The following LNPK variants were observed in gnomAD, a reference collection of about 807,000 sequenced individuals.
LNPK encodes endoplasmic reticulum junction formation protein lunapark.
A neutral mutation model predicts 55.2 loss-of-function variants in LNPK; 29 were observed. That is an observed-to-expected ratio of 0.53 (90% CI 0.39 to 0.72). The LOEUF (loss-of-function observed/expected upper bound fraction) is 0.72, where lower values mean the gene tolerates loss of function less well. LNPK is among the 30% of genes least tolerant of loss of function. The probability of loss-of-function intolerance (pLI) is 0.00; values close to 1 mark genes in which losing one functional copy is unlikely to be tolerated. For synonymous variants in LNPK, 162 were observed against 168.2 expected, an observed-to-expected ratio of 0.96 and a Z score of 0.29; for missense variants, 467 against 494.8, an observed-to-expected ratio of 0.94 and a Z score of 0.53.
intron 8 of LNPK, among the ~76,000 whole-genome samples, chr2:175,951,297 T>G (rs1311215962): frequency 1.3e-5 from 2 of 151,886 alleles, no homozygotes; most frequent in Non-Finnish European, 2.9e-5. Context: ...AGTGGTGATT[T>G]TAAGATCTTG....
At position 175,964,441 on chromosome 2, in the gene LNPK, G is replaced by T. The variant is rs1038851957; in HGVS notation, c.442-18C>A. The T allele has an allele frequency of 1.2e-6, 2 of 1,607,392 alleles. No homozygotes were observed. The highest frequency in any genetic ancestry group is 1.7e-6 in the Non-Finnish European group (2 of 1,173,906). On this transcript the variant is annotated intron_variant, in intron 7 of 12. Coordinates refer to ENST00000272748, the MANE Select transcript of LNPK (RefSeq NM_030650.3). ...TCACACTCCTGTCAATTATAATAAT[G>T]TTATTACAGTGACCTATTACAATGT...
chr2:175,972,149 C>T (rs1486774274), intron 5 of LNPK, among the ~76,000 whole-genome samples: 1 of 152,088 alleles, frequency 6.6e-6, no homozygotes, highest in African/African-American at 2.4e-5. Context: ...CTCCTGACCT[C>T]AGGTTATCCA....
At chr2:175,982,902 T>C (rs1687241220) in intron 4 of LNPK, among the ~76,000 whole-genome samples, 3 of 152,096 alleles carry the variant, frequency 2.0e-5, no homozygotes, top group Admixed American at 1.3e-4. Context: ...ACTTCCCCCT[T>C]CTCTTCATAA....
chr2:175,985,523 T>C (rs1687364530), intron 4 of LNPK, among the ~76,000 whole-genome samples: 2 of 152,344 alleles, frequency 1.3e-5, no homozygotes, highest in Admixed American at 1.3e-4. Context: ...TTGGGTCAGT[T>C]ATTTATAGGT....
At chr2:175,979,777 A>C in intron 5 of LNPK, 33 bp downstream of exon 5, 1 of 1,453,278 alleles carries the variant, frequency 6.9e-7, no homozygotes, top group South Asian at 1.3e-5. Flanking sequence ...GGTATTTTAA[A>C]AAATATTTAT....
intron 8 of LNPK, among the ~76,000 whole-genome samples, chr2:175,948,456 A>G (rs932753958): frequency 2.0e-5 from 3 of 152,156 alleles, no homozygotes; most frequent in Non-Finnish European, 4.4e-5. Context: ...TGCAACAGAG[A>G]CCATATGGCT....
chr2:175,938,099 G>T (rs1684640730), intron 11 of LNPK, among the ~76,000 whole-genome samples: 1 of 151,984 alleles, frequency 6.6e-6, no homozygotes, highest in African/African-American at 2.4e-5. Context: ...TGCACAGTGG[G>T]GTTTGAGAAC....
At chr2:176,001,289 A>G (rs1031909008) in intron 1 of LNPK, among the ~76,000 whole-genome samples, 6 of 152,150 alleles carry the variant, frequency 3.9e-5, no homozygotes, top group African/African-American at 1.4e-4. Flanking sequence ...AATTTTGTCA[A>G]TGCTGACACC....
At chr2:175,979,977 C>T (rs1283452575) in intron 4 of LNPK, 109 bp from the exon 5 acceptor site, 2 of 1,008,966 alleles carry the variant, frequency 2.0e-6, no homozygotes, top group East Asian at 2.7e-5. Flanking sequence ...TACATTGTTT[C>T]CCTTTATATA....
rs765775558 is a variant in LNPK at position 175,947,580 on chromosome 2, A to G, written c.606T>C (p.Ser202=). The change falls in exon 9 of 13, where the codon TCT becomes TCC. Residue 202 remains serine (S), a synonymous_variant. Transcript: ENST00000272748. ...PVSPGPPKDS[S]APGGPPERTV... Reference sequence around the variant, plus strand: ...TCCTTTCTGGGGGTCCACCAGGGGCAGAACTGTCCTTTGGTGGTCCAGGAG... The same window carrying G: ...TCCTTTCTGGGGGTCCACCAGGGGCGGAACTGTCCTTTGGTGGTCCAGGAG... The G allele has an allele frequency of 6.2e-7, 1 of 1,614,090 alleles. No homozygotes were observed. The highest frequency in any genetic ancestry group is 2.2e-5 in the East Asian group (1 of 44,884).
At chr2:175,985,861 A>G (rs566124710) in intron 4 of LNPK, among the ~76,000 whole-genome samples, 17 of 152,350 alleles carry the variant, frequency 1.1e-4, no homozygotes, top group Non-Finnish European at 2.1e-4. Flanking sequence ...AATTGACCAC[A>G]GTTAACTGAA....
At chr2:175,975,175 T>C (rs58730589) in intron 5 of LNPK, among the ~76,000 whole-genome samples, 11,940 of 152,174 alleles carry the variant, frequency 0.078, 498 homozygotes, top group South Asian at 0.098. Context: ...TAACATTTTT[T>C]AAAACTACAG....
intron 8 of LNPK, among the ~76,000 whole-genome samples, chr2:175,955,445 G>A (rs1157735062): frequency 6.6e-6 from 1 of 152,190 alleles, no homozygotes; most frequent in East Asian, 1.9e-4. Flanking sequence ...CAGATAAGCT[G>A]TCTCCACCAA....
At chr2:175,959,324 C>A (rs980897564) in intron 8 of LNPK, among the ~76,000 whole-genome samples, 1 of 152,132 alleles carries the variant, frequency 6.6e-6, no homozygotes, top group Non-Finnish European at 1.5e-5. Flanking sequence ...AGAGAAAAGT[C>A]GAGTTACCCA....
At chr2:175,947,372 G>C (rs933397046) in intron 9 of LNPK, 108 bp downstream of exon 9, 3 of 852,682 alleles carry the variant, frequency 3.5e-6, no homozygotes, top group Admixed American at 2.3e-5. Context: ...TAACTGCTCT[G>C]CTATTTCCAA....
intron 4 of LNPK, among the ~76,000 whole-genome samples, chr2:175,987,663 T>TA (rs1413178814): frequency 3.3e-5 from 3 of 90,380 alleles, no homozygotes; most frequent in African/African-American, 1.0e-4. Context: ...CCCTAAAACT[T>TA]AAAGTATAAT....
chr2:175,963,550 T>C (rs1255699792), intron 8 of LNPK, among the ~76,000 whole-genome samples: 2 of 152,080 alleles, frequency 1.3e-5, no homozygotes, highest in Admixed American at 1.3e-4. Flanking sequence ...CTCTGGGGAC[T>C]GTTGTGGGGT....
chr2:175,950,546 T>C (rs1416419890), intron 8 of LNPK, among the ~76,000 whole-genome samples: 3 of 151,980 alleles, frequency 2.0e-5, no homozygotes, highest in African/African-American at 7.2e-5. Flanking sequence ...ATGAAGCAAA[T>C]AGAATCCAAA....
intron 12 of LNPK, among the ~76,000 whole-genome samples, chr2:175,931,737 GA>G (rs1684288818): frequency 6.6e-6 from 1 of 152,116 alleles, no homozygotes; most frequent in Non-Finnish European, 1.5e-5. Flanking sequence ...ATCCAAGTTA[GA>G]AAACAGTAAG....
Sources: gnomAD v4.1 joint callset for allele counts (sites outside exome capture counted in the v4.1 genomes callset) on GRCh38, gnomAD v4.1.1 for gene constraint, MANE v1.5 for transcripts, NCBI Gene and HGNC (gene_info 2026-07-23, HGNC 2026-07-21) for gene names.